The following MACROD1 variants were observed in gnomAD, a reference collection of about 807,000 sequenced individuals.
MACROD1 encodes mono-ADP ribosylhydrolase 1.
In MACROD1, 31 loss-of-function variants were observed where a neutral mutation model predicts 41.4. The ratio of observed to expected loss-of-function variants is 0.75; its 90% confidence interval spans 0.56 to 1.01. The LOEUF is 1.01. Among genes scored for constraint, MACROD1 ranks in the 50% least tolerant of loss-of-function variants. The probability of loss-of-function intolerance (pLI) is 0.00; values close to 1 mark genes in which losing one functional copy is unlikely to be tolerated. For missense variants in MACROD1, 473 were observed against 460.0 expected (o/e 1.03, Z -0.26); for synonymous variants, 252 against 203.4 (o/e 1.24, Z -2.03).
At chr11:64,117,138 G>A (rs1330830660) in intron 3 of MACROD1, 3 of 1,613,270 alleles carry the variant, frequency 1.9e-6, no homozygotes, top group Non-Finnish European at 2.5e-6. Flanking sequence ...CAACACGCTG[G>A]CCAAGATGCG....
At chr11:64,117,068 G>A (rs1381003567) in intron 3 of MACROD1, 1 of 1,601,932 alleles carries the variant, frequency 6.2e-7, no homozygotes, top group Non-Finnish European at 8.5e-7. Flanking sequence ...CCCTCAACCT[G>A]CCCAGCGCCC....
intron 3 of MACROD1, among the ~76,000 whole-genome samples, chr11:64,089,427 T>C (rs1158538977): frequency 2.6e-5 from 4 of 152,134 alleles, no homozygotes; most frequent in South Asian, 4.1e-4. Context: ...ATCTGTAACA[T>C]GGAGGAGTCG....
chr11:64,065,525 C>T (rs1048928265), intron 3 of MACROD1, among the ~76,000 whole-genome samples: 2 of 152,282 alleles, frequency 1.3e-5, no homozygotes, highest in South Asian at 4.1e-4. Flanking sequence ...CGCGGTGGCT[C>T]ATGCCTGTAA....
intron 1 of MACROD1, among the ~76,000 whole-genome samples, chr11:64,156,920 T>C (rs1205839782): frequency 6.6e-6 from 1 of 152,164 alleles, no homozygotes; most frequent in Non-Finnish European, 1.5e-5. Context: ...CCCAAAGAGC[T>C]ACACACTGCA....
intron 3 of MACROD1, among the ~76,000 whole-genome samples, chr11:64,059,219 G>T (rs1011396755): frequency 6.6e-6 from 1 of 152,198 alleles, no homozygotes; most frequent in African/African-American, 2.4e-5. Flanking sequence ...GCAAAGGCTG[G>T]CTCCAGATTC....
chr11:64,138,757 TG>T (rs1474602385), intron 3 of MACROD1, among the ~76,000 whole-genome samples: 1 of 150,326 alleles, frequency 6.7e-6, no homozygotes, highest in East Asian at 1.9e-4. Flanking sequence ...AGGAGGTGGG[TG>T]CCACTGATGG....
At chr11:64,005,621 G>A (rs943307621) in intron 4 of MACROD1, among the ~76,000 whole-genome samples, 2 of 152,232 alleles carry the variant, frequency 1.3e-5, no homozygotes, top group Non-Finnish European at 2.9e-5. Context: ...ATACCTCTCT[G>A]GCTCAACCTC....
intron 3 of MACROD1, among the ~76,000 whole-genome samples, chr11:64,079,347 G>A (rs1485746665): frequency 6.6e-6 from 1 of 151,834 alleles, no homozygotes; most frequent in Non-Finnish European, 1.5e-5. Flanking sequence ...GGAGGTTACG[G>A]TTAAAGGGGA....
intron 3 of MACROD1, among the ~76,000 whole-genome samples, chr11:64,112,090 T>C (rs188124533): frequency 6.6e-6 from 1 of 152,358 alleles, no homozygotes; most frequent in African/African-American, 2.4e-5. Context: ...TTCTCTCATC[T>C]ACAGAACGAG....
chr11:64,098,720 C>T (rs890689821), intron 3 of MACROD1, among the ~76,000 whole-genome samples: 12 of 152,348 alleles, frequency 7.9e-5, no homozygotes, highest in South Asian at 4.1e-4. Context: ...CTAGCTCGCA[C>T]CAGCTCTGAC....
chr11:64,072,530 C>A (rs1944129516), intron 3 of MACROD1, among the ~76,000 whole-genome samples: 1 of 152,224 alleles, frequency 6.6e-6, no homozygotes, highest in Non-Finnish European at 1.5e-5. Context: ...GTGAACCCGC[C>A]ACAGAAACTA....
intron 1 of MACROD1, among the ~76,000 whole-genome samples, chr11:64,156,399 G>T (rs1005508323): frequency 6.6e-6 from 1 of 152,236 alleles, no homozygotes; most frequent in African/African-American, 2.4e-5. Context: ...TGGCCAGAAA[G>T]TCAGGTACCC....
In MACROD1 at chr11:64,150,125, T is replaced by C. The variant is rs559381047; in HGVS notation, c.517+1114A>G. ...TTGCAGTCAACAGTGGGAAGACGCA[T>C]AGAGCAAGGTTGCTTCAGGAAACAC... On this transcript the variant is annotated intron_variant, in intron 3 of 10. Coordinates refer to ENST00000255681, the MANE Select transcript of MACROD1 (RefSeq NM_014067.4). Among the ~76,000 whole-genome samples, 4 of 152,334 alleles carry C rather than the reference T, an allele frequency of 2.6e-5. No homozygotes were observed. In the South Asian group the frequency reaches 6.2e-4, roughly 24 times the overall value.
intron 3 of MACROD1, among the ~76,000 whole-genome samples, chr11:64,016,467 T>C (rs924838749): frequency 6.6e-6 from 1 of 152,194 alleles, no homozygotes. Flanking sequence ...ACCCACCCCA[T>C]CTGCCCAGAC....
chr11:64,164,959 G>A (rs1945815045), intron 1 of MACROD1, among the ~76,000 whole-genome samples: 1 of 152,234 alleles, frequency 6.6e-6, no homozygotes, highest in Non-Finnish European at 1.5e-5. Flanking sequence ...GCAAGAGGAA[G>A]TGGTGTGATT....
At chr11:64,153,933 G>A (rs574126773) in intron 1 of MACROD1, among the ~76,000 whole-genome samples, 2 of 151,804 alleles carry the variant, frequency 1.3e-5, no homozygotes, top group East Asian at 1.9e-4. Flanking sequence ...CTCAACGCCC[G>A]CATTCCACGC....
At chr11:64,141,476 G>A (rs909025442) in intron 3 of MACROD1, among the ~76,000 whole-genome samples, 1 of 152,220 alleles carries the variant, frequency 6.6e-6, no homozygotes, top group East Asian at 1.9e-4. Flanking sequence ...TCCGTTAAAC[G>A]GGCAGGCAAG....
At chr11:64,162,493 C>A (rs1244226365) in intron 1 of MACROD1, among the ~76,000 whole-genome samples, 1 of 151,988 alleles carries the variant, frequency 6.6e-6, no homozygotes, top group East Asian at 1.9e-4. Flanking sequence ...CTGAGCGAGA[C>A]CCTGTCTCGA....
At position 64,029,761 on chromosome 11, in the gene MACROD1, A is replaced by G. The variant is rs377063512; in HGVS notation, c.518-14480T>C. Among the ~76,000 whole-genome samples the G allele has an allele frequency of 5.9e-5, 9 of 152,234 alleles. No homozygotes were observed. In the East Asian group the frequency reaches 1.4e-3, roughly 23 times the overall value. ...GGCTGTCTTTCAGGACACAGTTCAC[A>G]TCTCCTTCCTGAACTTGGGATGTGT... On this transcript the variant is annotated intron_variant, in intron 3 of 10. Transcript: ENST00000255681.
Sources: allele counts gnomAD v4.1 joint callset (sites outside exome capture counted in the v4.1 genomes callset), GRCh38; gene constraint gnomAD v4.1.1; transcripts MANE v1.5; gene names NCBI Gene and HGNC (gene_info 2026-07-23, HGNC 2026-07-21).